The following GALNT13 variants were observed in gnomAD, a reference collection of about 807,000 sequenced individuals.
GALNT13 encodes polypeptide N-acetylgalactosaminyltransferase 13.
In GALNT13, 28 loss-of-function variants were observed where a neutral mutation model predicts 64.2. The observed-to-expected ratio is 0.44, with a 90% confidence interval of 0.32 to 0.60. The LOEUF (loss-of-function observed/expected upper bound fraction) is 0.60, where lower values mean the gene tolerates loss of function less well. Among genes scored for constraint, GALNT13 ranks in the 20% least tolerant of loss-of-function variants. The pLI is 0.05. For synonymous variants in GALNT13, 214 were observed against 224.6 expected (o/e 0.95, Z 0.42); for missense variants, 577 against 669.8 (o/e 0.86, Z 1.53).
chr2:153,673,510 C>T, the GALNT13 span, among the ~76,000 whole-genome samples: 2 of 152,154 alleles, frequency 1.3e-5, no homozygotes, highest in South Asian at 4.1e-4. Context: ...ATACAACAGC[C>T]TTTCATACTA....
chr2:153,693,382 T>C, the GALNT13 span, among the ~76,000 whole-genome samples: 2 of 152,196 alleles, frequency 1.3e-5, no homozygotes, highest in Admixed American at 6.5e-5. Context: ...CAATGGGTTT[T>C]ACCCTTCTTA....
the GALNT13 span, among the ~76,000 whole-genome samples, chr2:153,385,096 T>C: frequency 6.6e-6 from 1 of 152,054 alleles, no homozygotes; most frequent in Non-Finnish European, 1.5e-5. Flanking sequence ...GCAATGTAAA[T>C]TAGTGCAACC....
At chr2:154,337,920 T>G (rs1695546870) in intron 9 of GALNT13, among the ~76,000 whole-genome samples, 1 of 152,066 alleles carries the variant, frequency 6.6e-6, no homozygotes, top group Non-Finnish European at 1.5e-5. Context: ...CAAGCTTAAC[T>G]GGTGGGTGAT....
the GALNT13 span, among the ~76,000 whole-genome samples, chr2:153,345,520 A>T: frequency 6.6e-6 from 1 of 152,106 alleles, no homozygotes; most frequent in South Asian, 2.1e-4. Flanking sequence ...AGAGTATGAA[A>T]TGACTTCTGA....
chr2:154,455,828 C>A (rs1425931283), downstream of GALNT13, among the ~76,000 whole-genome samples: 2 of 152,146 alleles, frequency 1.3e-5, no homozygotes, highest in Admixed American at 1.3e-4. Flanking sequence ...TGAATTCAGG[C>A]AGCTCTTTTC....
chr2:153,438,054 G>A, the GALNT13 span, among the ~76,000 whole-genome samples: 1 of 152,178 alleles, frequency 6.6e-6, no homozygotes, highest in Non-Finnish European at 1.5e-5. Context: ...TTGCTTGTCT[G>A]TAAAGTATTT....
intron 1 of GALNT13, among the ~76,000 whole-genome samples, chr2:153,891,666 A>C (rs539977278): frequency 6.6e-6 from 1 of 152,178 alleles, no homozygotes; most frequent in East Asian, 1.9e-4. Flanking sequence ...CTCTAAAATA[A>C]AACTATGCCT....
At chr2:153,433,162 A>G in the GALNT13 span, among the ~76,000 whole-genome samples, 1 of 152,188 alleles carries the variant, frequency 6.6e-6, no homozygotes, top group African/African-American at 2.4e-5. Flanking sequence ...TTCTAAGAAG[A>G]GAGGAAATTG....
chr2:154,239,363 C>T (rs1297044621), intron 4 of GALNT13, among the ~76,000 whole-genome samples: 1 of 152,044 alleles, frequency 6.6e-6, no homozygotes, highest in Non-Finnish European at 1.5e-5. Flanking sequence ...TTGAGTGAAG[C>T]CACTGGTTGT....
At chr2:153,203,382 A>AC in the GALNT13 span, among the ~76,000 whole-genome samples, 1 of 152,362 alleles carries the variant, frequency 6.6e-6, no homozygotes, top group South Asian at 2.1e-4. Flanking sequence ...GAAAATAGAT[A>AC]TAAAAAATTG....
rs1455828982 is a variant in GALNT13 at position 154,450,850 on chromosome 2, A to C, written c.*299A>C. 1 of 221,566 alleles carries C rather than the reference A, an allele frequency of 4.5e-6. No individual in the cohort carries two copies. The highest frequency in any genetic ancestry group is 5.3e-5 in the Admixed American group (1 of 18,766). 13.7% of individuals were successfully genotyped at this position (221,566 alleles called of 1,614,324 possible). A position where few individuals can be genotyped will look rare whatever the true frequency, so the allele number is the denominator to read the frequency against. On this transcript the variant is annotated 3_prime_UTR_variant, in exon 13 of 13. Transcript: ENST00000392825. ...TTTATTGCACTCATGTCATAGGGTT[A>C]ATTGGAGGTTATTTTATTTTTGGTT...
At chr2:153,734,456 C>A in the GALNT13 span, among the ~76,000 whole-genome samples, 1 of 152,108 alleles carries the variant, frequency 6.6e-6, no homozygotes, top group Admixed American at 6.6e-5. Flanking sequence ...GGAGTGGAAT[C>A]TGAAGAAACA....
the GALNT13 span, among the ~76,000 whole-genome samples, chr2:153,398,266 G>A: frequency 6.6e-6 from 1 of 152,082 alleles, no homozygotes; most frequent in Non-Finnish European, 1.5e-5. Context: ...CATTTTTTGT[G>A]GCTGCATAGT....
At chr2:154,016,368 A>G (rs769207959) in intron 3 of GALNT13, among the ~76,000 whole-genome samples, 35 of 152,174 alleles carry the variant, frequency 2.3e-4, no homozygotes, top group Non-Finnish European at 3.4e-4. Context: ...TTGTCTCCTG[A>G]GTAGCCTCTA....
the GALNT13 span, among the ~76,000 whole-genome samples, chr2:153,486,320 A>G: frequency 6.6e-6 from 1 of 152,220 alleles, no homozygotes; most frequent in Non-Finnish European, 1.5e-5. Context: ...TGATTTTAGT[A>G]TTTATATTCT....
At chr2:154,183,646 AG>A (rs1686089297) in intron 4 of GALNT13, among the ~76,000 whole-genome samples, 1 of 152,148 alleles carries the variant, frequency 6.6e-6, no homozygotes. Flanking sequence ...CAGGAAGTAA[AG>A]GCTGCAGTGA....
chr2:154,432,242 A>T (rs1382453472), intron 11 of GALNT13, among the ~76,000 whole-genome samples: 2 of 152,234 alleles, frequency 1.3e-5, no homozygotes, highest in African/African-American at 4.8e-5. Flanking sequence ...GGTTGATTTT[A>T]TACTATTGGA....
the GALNT13 span, among the ~76,000 whole-genome samples, chr2:153,846,827 A>C: frequency 6.6e-6 from 1 of 152,130 alleles, no homozygotes; most frequent in Admixed American, 6.5e-5. Flanking sequence ...GCACCAAACC[A>C]AGTAGGGCAT....
At chr2:153,815,262 T>G in the GALNT13 span, among the ~76,000 whole-genome samples, 1 of 152,190 alleles carries the variant, frequency 6.6e-6, no homozygotes, top group Non-Finnish European at 1.5e-5. Flanking sequence ...GCCACTGCTG[T>G]CTTATTTTGA....
Sources: gnomAD v4.1 joint callset for allele counts (sites outside exome capture counted in the v4.1 genomes callset) on GRCh38, gnomAD v4.1.1 for gene constraint, MANE v1.5 for transcripts, NCBI Gene and HGNC (gene_info 2026-07-23, HGNC 2026-07-21) for gene names.